PDE1A: variants seen among roughly 807,000 people sequenced by gnomAD.
PDE1A encodes dual specificity calcium/calmodulin-dependent 3',5'-cyclic nucleotide phosphodiesterase 1A.
A neutral mutation model predicts 61.7 loss-of-function variants in PDE1A; 35 were observed. The ratio of observed to expected loss-of-function variants is 0.57; its 90% confidence interval spans 0.43 to 0.75. The LOEUF is 0.75. PDE1A is among the 30% of genes least tolerant of loss of function. The pLI is 0.00. For missense variants in PDE1A, 597 were observed against 630.6 expected (o/e 0.95, Z 0.57); for synonymous variants, 232 against 213.2 (o/e 1.09, Z -0.77).
chr2:182,613,299 C>T, the PDE1A span, among the ~76,000 whole-genome samples: 29 of 152,276 alleles, frequency 1.9e-4, no homozygotes, highest in Non-Finnish European at 3.1e-4. Context: ...CGGTGGCTCA[C>T]GCCTGTAATC....
intron 1 of PDE1A, among the ~76,000 whole-genome samples, chr2:182,408,949 T>C (rs1269424091): frequency 6.6e-6 from 1 of 152,230 alleles, no homozygotes; most frequent in African/African-American, 2.4e-5. Flanking sequence ...TGATTTGTTC[T>C]ACCAGCTAGT....
chr2:182,158,653 A>G (rs1205375993), intron 13 of PDE1A, among the ~76,000 whole-genome samples: 1 of 152,168 alleles, frequency 6.6e-6, no homozygotes, highest in African/African-American at 2.4e-5. Flanking sequence ...TCCTGACACG[A>G]ATCAAAATTA....
chr2:182,210,925 T>C (rs1687538624), intron 7 of PDE1A, among the ~76,000 whole-genome samples: 1 of 152,052 alleles, frequency 6.6e-6, no homozygotes, highest in East Asian at 1.9e-4. Flanking sequence ...AATTTATTTA[T>C]CACAGTTCTT....
At chr2:182,273,637 CTTTTCTT>C (rs917742011) in intron 1 of PDE1A, among the ~76,000 whole-genome samples, 5 of 151,962 alleles carry the variant, frequency 3.3e-5, no homozygotes, top group African/African-American at 1.2e-4. Context: ...CTGAATTTAT[CTTTTCTT>C]TTTTCTTTTT....
At chr2:182,565,554 G>T in the PDE1A span, among the ~76,000 whole-genome samples, 2 of 152,006 alleles carry the variant, frequency 1.3e-5, no homozygotes, top group Non-Finnish European at 2.9e-5. Flanking sequence ...CTGGTGATGT[G>T]TACACGAAAA....
chr2:182,190,959 A>C (rs73041889), intron 10 of PDE1A, among the ~76,000 whole-genome samples: 6,917 of 151,614 alleles, frequency 0.046, 496 homozygotes, highest in African/African-American at 0.15. Flanking sequence ...CCATCCCCCC[A>C]AAAAAAAGAA....
At chr2:182,334,799 T>C (rs542106826) in intron 1 of PDE1A, among the ~76,000 whole-genome samples, 2 of 152,250 alleles carry the variant, frequency 1.3e-5, no homozygotes, top group African/African-American at 2.4e-5. Context: ...GAGAAAGAAA[T>C]AAAGCGTATT....
chr2:182,568,627 T>G, the PDE1A span, among the ~76,000 whole-genome samples: 1 of 152,148 alleles, frequency 6.6e-6, no homozygotes, highest in African/African-American at 2.4e-5. Context: ...ATCACACCAC[T>G]GCCCTCCAGC....
chr2:182,553,749 C>T, the PDE1A span, among the ~76,000 whole-genome samples: 1 of 152,178 alleles, frequency 6.6e-6, no homozygotes, highest in Non-Finnish European at 1.5e-5. Flanking sequence ...TATGAGTAGG[C>T]ATTTTCTAGA....
At chr2:182,617,960 CT>C in the PDE1A span, among the ~76,000 whole-genome samples, 2 of 152,270 alleles carry the variant, frequency 1.3e-5, no homozygotes, top group South Asian at 4.1e-4. Context: ...TTTTTGTTTT[CT>C]TTCAATCTCA....
At chr2:182,211,435 TA>T (rs1275997473) in intron 7 of PDE1A, among the ~76,000 whole-genome samples, 1 of 152,224 alleles carries the variant, frequency 6.6e-6, no homozygotes, top group Admixed American at 6.5e-5. Context: ...TAGCAAGTCT[TA>T]AAGTTAGGTA....
intron 7 of PDE1A, among the ~76,000 whole-genome samples, chr2:182,222,379 G>C (rs759131841): frequency 2.6e-5 from 4 of 151,976 alleles, no homozygotes; most frequent in Non-Finnish European, 5.9e-5. Flanking sequence ...TGGTTGCCAG[G>C]GGTAAAGGGG....
At chr2:182,461,419 C>T (rs4666835) in intron 2 of PDE1A, among the ~76,000 whole-genome samples, 27,834 of 152,142 alleles carry the variant, frequency 0.18, 3,083 homozygotes, top group Middle Eastern at 0.35. Context: ...ACCAGGAATA[C>T]TGAATCTGCC....
chr2:182,504,757 G>T, intron 2 of PDE1A, among the ~76,000 whole-genome samples: 1 of 152,162 alleles, frequency 6.6e-6, no homozygotes, highest in East Asian at 1.9e-4. Flanking sequence ...TCACATGATA[G>T]AATAAATAAA....
At chr2:182,244,950 C>T (rs1690839347) in intron 2 of PDE1A, among the ~76,000 whole-genome samples, 2 of 152,292 alleles carry the variant, frequency 1.3e-5, no homozygotes, top group Non-Finnish European at 2.9e-5. Context: ...AGATTTTTCT[C>T]TGCTCTACAG....
At chr2:182,684,771 G>A in the PDE1A span, among the ~76,000 whole-genome samples, 44 of 152,048 alleles carry the variant, frequency 2.9e-4, no homozygotes, top group Non-Finnish European at 5.6e-4. Context: ...GGCTGGTCTC[G>A]AATTCCTGAT....
At chr2:182,465,863 A>G (rs1686624137) in intron 2 of PDE1A, among the ~76,000 whole-genome samples, 1 of 152,170 alleles carries the variant, frequency 6.6e-6, no homozygotes, top group Admixed American at 6.6e-5. Context: ...GAACATGTCA[A>G]TTCATTAAAT....
At chr2:182,633,747 C>T in the PDE1A span, among the ~76,000 whole-genome samples, 2 of 149,928 alleles carry the variant, frequency 1.3e-5, no homozygotes, top group Non-Finnish European at 1.5e-5. Context: ...CAAAAACAGA[C>T]TTCCACCTAT....
chr2:182,306,740 T>G (rs547075667), intron 1 of PDE1A, among the ~76,000 whole-genome samples: 5 of 152,262 alleles, frequency 3.3e-5, no homozygotes, highest in Non-Finnish European at 7.4e-5. Flanking sequence ...TAAAAAGTAT[T>G]GACAAACATG....
Sources: gnomAD v4.1 joint callset for allele counts (sites outside exome capture counted in the v4.1 genomes callset) on GRCh38, gnomAD v4.1.1 for gene constraint, MANE v1.5 for transcripts, NCBI Gene and HGNC (gene_info 2026-07-23, HGNC 2026-07-21) for gene names.